The following PKHD1L1 variants were observed in gnomAD, a reference collection of about 807,000 sequenced individuals.
The protein encoded by PKHD1L1 is fibrocystin-L.
In PKHD1L1, 434 loss-of-function variants were observed where a neutral mutation model predicts 462.9. That is an observed-to-expected ratio of 0.94 (90% CI 0.87 to 1.02). The LOEUF (loss-of-function observed/expected upper bound fraction) is 1.02, where lower values mean the gene tolerates loss of function less well. Among genes scored for constraint, PKHD1L1 ranks in the 50% least tolerant of loss-of-function variants. PKHD1L1 has a pLI of 0.00. For missense variants in PKHD1L1, 5,202 were observed against 5,096.1 expected, an observed-to-expected ratio of 1.02 and a Z score of -0.63; for synonymous variants, 1,781 against 1,750.0, an observed-to-expected ratio of 1.02 and a Z score of -0.44.
At chr8:109,422,704 TAA>T (rs912568159) in intron 23 of PKHD1L1, among the ~76,000 whole-genome samples, 5 of 152,196 alleles carry the variant, frequency 3.3e-5, no homozygotes, top group Admixed American at 3.3e-4. Context: ...TTGTGAGACA[TAA>T]GTTTCCATTT....
At chr8:109,392,722 T>TG (rs1812771755) in intron 9 of PKHD1L1, among the ~76,000 whole-genome samples, 1 of 152,138 alleles carries the variant, frequency 6.6e-6, no homozygotes, top group African/African-American at 2.4e-5. Context: ...AAAAAATACA[T>TG]TATTTTTTGA....
intron 21 of PKHD1L1, among the ~76,000 whole-genome samples, chr8:109,413,794 C>G (rs1019177617): frequency 6.6e-6 from 1 of 151,660 alleles, no homozygotes; most frequent in Non-Finnish European, 1.5e-5. Context: ...CACCCATAAC[C>G]ATAAAAAGAC....
chr8:109,493,793 C>A, intron 63 of PKHD1L1, 42 bp downstream of exon 63: 4 of 1,334,866 alleles, frequency 3.0e-6, no homozygotes, highest in African/African-American at 1.5e-5. Context: ...TAGGAAATAA[C>A]TTGTACAAAA....
intron 64 of PKHD1L1, 30 bp downstream of exon 64, chr8:109,497,097 A>G (rs1819130355): frequency 6.2e-7 from 1 of 1,612,448 alleles, no homozygotes; most frequent in South Asian, 1.1e-5. Flanking sequence ...GTGATTGTTT[A>G]TTTTCTTTTA....
intron 57 of PKHD1L1, among the ~76,000 whole-genome samples, chr8:109,484,751 G>A (rs1260942640): frequency 6.6e-6 from 1 of 151,818 alleles, no homozygotes; most frequent in Non-Finnish European, 1.5e-5. Flanking sequence ...ATAAAAATGT[G>A]AATATGTTTG....
At chr8:109,438,053 G>T (rs1198968952) in intron 30 of PKHD1L1, among the ~76,000 whole-genome samples, 1 of 152,062 alleles carries the variant, frequency 6.6e-6, no homozygotes, top group Non-Finnish European at 1.5e-5. Flanking sequence ...CAACAATATT[G>T]TAGAGCCATC....
intron 68 of PKHD1L1, among the ~76,000 whole-genome samples, chr8:109,505,233 A>C (rs1270314050): frequency 6.6e-6 from 1 of 152,014 alleles, no homozygotes; most frequent in Non-Finnish European, 1.5e-5. Flanking sequence ...GATAAGAGAT[A>C]TCTCTTATTA....
chr8:109,479,543 CTT>C lies in PKHD1L1; in HGVS notation c.9090-5_9090-4del. On this transcript the variant is annotated splice_polypyrimidine_tract_variant and splice_region_variant and intron_variant, in intron 53 of 77. Coordinates refer to ENST00000378402, the MANE Select transcript of PKHD1L1 (RefSeq NM_177531.6). ...TAATTCATGGAAGTATTTCTCTTCTCTTTTCAGTTTATGGTCAAATGATTCTT... is the reference window on the plus strand; with the variant it reads ...TAATTCATGGAAGTATTTCTCTTCTCTTCAGTTTATGGTCAAATGATTCTT... 1 of 1,470,570 alleles carries C rather than the reference CTT, an allele frequency of 6.8e-7. No individual in the cohort carries two copies. Among genetic ancestry groups the C allele is most frequent in the Non-Finnish European group, 9.4e-7 (1 of 1,067,234 alleles). The allele number at this position is 1,470,570 out of a possible 1,614,324, so 91.1% of individuals were successfully genotyped here.
intron 2 of PKHD1L1, among the ~76,000 whole-genome samples, chr8:109,378,861 T>C (rs1055480746): frequency 5.3e-5 from 8 of 152,208 alleles, no homozygotes; most frequent in Non-Finnish European, 7.3e-5. Context: ...GAGAGGCATA[T>C]GAAGGGACTC....
At chr8:109,369,951 G>A (rs1463344449) in intron 2 of PKHD1L1, among the ~76,000 whole-genome samples, 2 of 152,036 alleles carry the variant, frequency 1.3e-5, no homozygotes, top group Non-Finnish European at 2.9e-5. Context: ...TAAGCTTAGA[G>A]GAATAAAATG....
chr8:109,451,322 T>G (rs148280155), intron 41 of PKHD1L1, among the ~76,000 whole-genome samples, 173 bp downstream of exon 41: 15 of 152,338 alleles, frequency 9.8e-5, no homozygotes, highest in African/African-American at 3.6e-4. Context: ...TATTGAGTAT[T>G]TATTTTGTGG....
Position 109,461,925 on chromosome 8 carries a change from C to G in PKHD1L1, c.7383+17C>G. 1 of 1,586,138 alleles carries G rather than the reference C, an allele frequency of 6.3e-7. No individual in the cohort carries two copies. The highest frequency in any genetic ancestry group is 8.6e-7 in the Non-Finnish European group (1 of 1,165,052). On this transcript the variant is annotated intron_variant, in intron 48 of 77. Transcript: ENST00000378402. ...TATGTAGAGGTGAGAGGCATTATTA[C>G]TAAATCACAGTGGTTTGCTCAAGGT...
At chr8:109,470,717 C>T in intron 50 of PKHD1L1, 2 of 1,572,458 alleles carry the variant, frequency 1.3e-6, no homozygotes, top group Non-Finnish European at 1.7e-6. Context: ...CAATTAGAAG[C>T]CTTGTACCAA....
At chr8:109,497,888 G>A (rs536690508) in intron 65 of PKHD1L1, among the ~76,000 whole-genome samples, 273 of 152,072 alleles carry the variant, frequency 1.8e-3, no homozygotes, top group Non-Finnish European at 3.3e-3. Flanking sequence ...CTGTTCCCTG[G>A]ATGTATTTAT....
At chr8:109,471,726 C>T (rs1783150) in intron 50 of PKHD1L1, among the ~76,000 whole-genome samples, 69,173 of 152,072 alleles carry the variant, frequency 0.45, 16,593 homozygotes, top group South Asian at 0.64. Flanking sequence ...AACTCATTCA[C>T]TGTTTACAAA....
Position 109,528,060 on chromosome 8 carries a change from A to G in PKHD1L1, c.12721+1040A>G, listed in dbSNP as rs182964941. On this transcript the variant is annotated intron_variant, in intron 77 of 77. Transcript: ENST00000378402. ...CGAGGAATGACAGGCAGACAGAGAC[A>G]TTGAATATTAGAGAGATTGATAAAA... Among the ~76,000 whole-genome samples the G allele has an allele frequency of 2.6e-5, 4 of 152,320 alleles. No individual in the cohort carries two copies. In the East Asian group the frequency reaches 7.7e-4, roughly 29 times the overall value.
At chr8:109,381,844 A>C (rs1173353868) in intron 3 of PKHD1L1, among the ~76,000 whole-genome samples, 2 of 152,108 alleles carry the variant, frequency 1.3e-5, no homozygotes, top group Non-Finnish European at 2.9e-5. Flanking sequence ...GTTCAATTTG[A>C]TGAATTTTGT....
intron 29 of PKHD1L1, among the ~76,000 whole-genome samples, chr8:109,436,105 T>C (rs1815392857): frequency 6.6e-6 from 1 of 152,188 alleles, no homozygotes; most frequent in Non-Finnish European, 1.5e-5. Context: ...ATCTATGTTA[T>C]TTCATTAAAT....
chr8:109,469,829 T>C (rs1817633404), intron 50 of PKHD1L1, among the ~76,000 whole-genome samples: 1 of 152,162 alleles, frequency 6.6e-6, no homozygotes, highest in African/African-American at 2.4e-5. Flanking sequence ...TACAATAAAA[T>C]ATTTTAAACA....
Sources: gnomAD v4.1 joint callset for allele counts (sites outside exome capture counted in the v4.1 genomes callset) on GRCh38, gnomAD v4.1.1 for gene constraint, MANE v1.5 for transcripts, NCBI Gene and HGNC (gene_info 2026-07-23, HGNC 2026-07-21) for gene names.